The following CELF1 variants were observed in gnomAD, a reference collection of about 807,000 sequenced individuals.
CELF1 encodes 50 kDa nuclear polyadenylated RNA-binding protein.
Under a neutral mutation model 61.8 loss-of-function variants are expected in CELF1, and 10 were observed. The observed-to-expected ratio is 0.16, with a 90% CI of 0.10 to 0.27. CELF1 has a LOEUF of 0.27. Among genes scored for constraint, CELF1 ranks in the 10% least tolerant of loss-of-function variants. The pLI is 1.00. For synonymous variants in CELF1, 236 were observed against 225.1 expected (o/e 1.05, Z -0.43); for missense variants, 380 against 639.1 (o/e 0.59, Z 4.37).
At chr11:47,496,377 T>C (rs767473241) in intron 3 of CELF1, among the ~76,000 whole-genome samples, 3 of 152,206 alleles carry the variant, frequency 2.0e-5, no homozygotes, top group Non-Finnish European at 4.4e-5. Context: ...TCATCTTTAA[T>C]ATCATTCATT....
chr11:47,503,189 T>C (rs1046951852), intron 1 of CELF1, among the ~76,000 whole-genome samples: 4 of 152,200 alleles, frequency 2.6e-5, no homozygotes, highest in African/African-American at 9.6e-5. Context: ...AAGAACAGCA[T>C]TCATTGCATT....
chr11:47,479,092 C>T (rs1384141028), intron 9 of CELF1, 140 bp from the exon 10 acceptor site: 7 of 598,886 alleles, frequency 1.2e-5, no homozygotes, highest in Non-Finnish European at 2.1e-5. Flanking sequence ...CAAGCCAACA[C>T]AACAGAAACA....
chr11:47,484,558 CTACT>C (rs1225347878), intron 6 of CELF1, 35 bp from the exon 7 acceptor site: 9 of 1,585,090 alleles, frequency 5.7e-6, no homozygotes, highest in South Asian at 1.1e-5. Flanking sequence ...TTGAATATTA[CTACT>C]TAAAGAGGCA....
At chr11:47,532,359 T>C (rs1235454665) in intron 1 of CELF1, among the ~76,000 whole-genome samples, 1 of 152,170 alleles carries the variant, frequency 6.6e-6, no homozygotes, top group Non-Finnish European at 1.5e-5. Context: ...AGAAAAACAA[T>C]GTATAGCTTT....
intron 1 of CELF1, among the ~76,000 whole-genome samples, chr11:47,521,724 A>G (rs1457149347): frequency 1.3e-5 from 2 of 152,198 alleles, no homozygotes; most frequent in Admixed American, 6.5e-5. Flanking sequence ...TTATGGTGGA[A>G]AAGAATGAGT....
intron 1 of CELF1, among the ~76,000 whole-genome samples, chr11:47,504,658 T>C (rs1409383972): frequency 6.6e-6 from 1 of 151,470 alleles, no homozygotes; most frequent in Non-Finnish European, 1.5e-5. Flanking sequence ...TCCCAGCACT[T>C]TGGAAGGCCG....
intron 1 of CELF1, among the ~76,000 whole-genome samples, chr11:47,518,812 C>T (rs1221456967): frequency 1.3e-5 from 2 of 152,158 alleles, no homozygotes; most frequent in Non-Finnish European, 2.9e-5. Context: ...TTAGCACTAG[C>T]CACCTAACTT....
chr11:47,472,301 C>T lies in CELF1; in HGVS notation c.1474G>A (p.Gly492Ser), dbSNP rs774921038. Residue 492 changes from glycine (G) to serine (S), a missense_variant, in exon 15 of 15, where the codon GGC (glycine) becomes AGC (serine). By Grantham distance (56) the Gly-to-Ser change is moderately conservative (BLOSUM62 0). Coordinates refer to ENST00000687097, the MANE Select transcript of CELF1 (RefSeq NM_001376376.1). ...SAQAAIQSMN[G>S]FQIGMKRLKV... ...AGCCGCTTCATGCCAATCTGAAAGCCGTTCATGGACTGGATGGCAGCTTGG... is the reference window on the plus strand; with the variant it reads ...AGCCGCTTCATGCCAATCTGAAAGCTGTTCATGGACTGGATGGCAGCTTGG... 2.5e-5 allele frequency: 41 copies of T among 1,614,120 alleles called. No individual in the cohort carries two copies. The Middle Eastern group carries it at 4.9e-4, about 19-fold the overall frequency.
intron 1 of CELF1, among the ~76,000 whole-genome samples, chr11:47,516,005 C>A (rs2095532922): frequency 2.6e-5 from 4 of 151,852 alleles, no homozygotes. Context: ...CAACCTCTGC[C>A]TCCCGGGTTC....
Position 47,467,942 on chromosome 11 carries a change from CA to C in CELF1, c.*4287del, listed in dbSNP as rs763614856. On this transcript the variant is annotated 3_prime_UTR_variant, in exon 15 of 15. Coordinates refer to ENST00000687097, the MANE Select transcript of CELF1 (RefSeq NM_001376376.1). ...CCTTTTAAATCGATCAGTTTTTGCA[CA>C]AACTATAGAAAACAGAGAGGTGAAG... The C allele has an allele frequency of 5.3e-5, 8 of 152,006 alleles. No homozygotes were observed. The highest frequency in any genetic ancestry group is 1.0e-4 in the Non-Finnish European group (7 of 68,006). 9.4% of individuals were successfully genotyped at this position (152,006 alleles called of 1,614,324 possible).
chr11:47,555,605 C>T (rs2097203496), upstream of CELF1, among the ~76,000 whole-genome samples: 1 of 152,116 alleles, frequency 6.6e-6, no homozygotes, highest in African/African-American at 2.4e-5. Flanking sequence ...AGACAAAATG[C>T]TAAACAGTCC....
Position 47,517,260 on chromosome 11 carries a change from GAA to G in CELF1, c.-153-16330_-153-16329del, listed in dbSNP as rs57071560. On this transcript the variant is annotated intron_variant, in intron 1 of 14. Transcript: ENST00000687097. ...GAGCCTGTCTAAAAAAACAAACAGA[GAA>G]AAAAAAAAAAAAAAAAAGACATGCC... is the stretch of plus-strand genomic sequence containing the variant. Among the ~76,000 whole-genome samples, 316 of 77,008 alleles carry G rather than the reference GAA, an allele frequency of 4.1e-3. 4 individuals are homozygous for G. Among genetic ancestry groups the G allele is most frequent in the East Asian group, 0.014 (47 of 3,436 alleles). 50.5% of individuals were successfully genotyped at this position (77,008 alleles called of 152,430 possible). A position where few individuals can be genotyped will look rare whatever the true frequency, so the allele number is the denominator to read the frequency against.
chr11:47,558,777 TAA>T (rs1402929047), intron 2 of CELF1, among the ~76,000 whole-genome samples: 3 of 117,262 alleles, frequency 2.6e-5, no homozygotes, highest in African/African-American at 1.0e-4. Context: ...ATTGTATATA[TAA>T]TATATATATA....
intron 1 of CELF1, among the ~76,000 whole-genome samples, chr11:47,541,686 CA>C (rs1225327931): frequency 4.3e-4 from 5 of 11,688 alleles, no homozygotes; most frequent in African/African-American, 6.4e-4. Flanking sequence ...GCGAGACTGT[CA>C]AAGAAAGAAA....
intron 1 of CELF1, among the ~76,000 whole-genome samples, chr11:47,519,390 A>C (rs1169385675): frequency 6.6e-6 from 1 of 152,120 alleles, no homozygotes; most frequent in Non-Finnish European, 1.5e-5. Flanking sequence ...CTGGGGCAGA[A>C]GAATCACTTG....
intron 13 of CELF1, among the ~76,000 whole-genome samples, chr11:47,474,696 T>TA (rs1224845839): frequency 2.6e-5 from 4 of 152,248 alleles, no homozygotes; most frequent in Non-Finnish European, 5.9e-5. Context: ...TTAGTGCTTA[T>TA]ACCAGCTCCT....
At chr11:47,481,340 G>A (rs959142171) in intron 9 of CELF1, among the ~76,000 whole-genome samples, 3 of 151,830 alleles carry the variant, frequency 2.0e-5, no homozygotes, top group African/African-American at 7.3e-5. Context: ...ATGCTGGCCA[G>A]GCTGGTCTCA....
intron 1 of CELF1, among the ~76,000 whole-genome samples, chr11:47,522,445 G>A (rs554259566): frequency 6.6e-5 from 10 of 151,682 alleles, no homozygotes; most frequent in Admixed American, 3.3e-4. Context: ...AGGAGAACCC[G>A]GGAGGCAGAG....
intron 1 of CELF1, among the ~76,000 whole-genome samples, chr11:47,539,457 GTCACGGCTAACA>G (rs1406796288): frequency 7.9e-5 from 12 of 152,112 alleles, no homozygotes; most frequent in Admixed American, 7.9e-4. Flanking sequence ...TTCGAGACCA[GTCACGGCTAACA>G]TGGTGAAACC....
Sources: allele counts gnomAD v4.1 joint callset (sites outside exome capture counted in the v4.1 genomes callset), GRCh38; gene constraint gnomAD v4.1.1; transcripts MANE v1.5; gene names NCBI Gene and HGNC (gene_info 2026-07-23, HGNC 2026-07-21).